The following DPY19L2 variants were observed in gnomAD, a reference collection of about 807,000 sequenced individuals.
DPY19L2 encodes the protein dpy-19 like 2, also known as probable C-mannosyltransferase DPY19L2.
Under a neutral mutation model 97.9 loss-of-function variants are expected in DPY19L2, and 34 were observed. That is an observed-to-expected ratio of 0.35 (90% CI 0.26 to 0.46). The LOEUF (loss-of-function observed/expected upper bound fraction) is 0.46, where lower values mean the gene tolerates loss of function less well. Ranked by LOEUF, DPY19L2 falls within the 20% of genes least tolerant of loss-of-function variation. The probability of loss-of-function intolerance (pLI) is 1.00; values close to 1 mark genes in which losing one functional copy is unlikely to be tolerated. For synonymous variants in DPY19L2, 230 were observed against 307.9 expected, an observed-to-expected ratio of 0.75 and a Z score of 2.65; for missense variants, 623 against 911.4, an observed-to-expected ratio of 0.68 and a Z score of 4.07.
At chr12:63,633,713 G>C (rs1891126320) in intron 6 of DPY19L2, among the ~76,000 whole-genome samples, 2 of 152,002 alleles carry the variant, frequency 1.3e-5, no homozygotes, top group South Asian at 2.1e-4. Context: ...CCCATTACTG[G>C]GTATATACCC....
chr12:63,581,211 T>C (rs1880830774), intron 18 of DPY19L2, among the ~76,000 whole-genome samples: 1 of 152,128 alleles, frequency 6.6e-6, no homozygotes, highest in Non-Finnish European at 1.5e-5. Context: ...TAGCATGATA[T>C]ATATAGATTC....
At chr12:63,650,296 C>T (rs1249946254) in intron 4 of DPY19L2, among the ~76,000 whole-genome samples, 2 of 152,052 alleles carry the variant, frequency 1.3e-5, no homozygotes, top group African/African-American at 4.8e-5. Context: ...TCCTATTCAA[C>T]ATAGTACTGG....
In DPY19L2 at chr12:63,594,234, T is replaced by C. The variant is rs1395056507; in HGVS notation, c.1534-101A>G. The C allele has an allele frequency of 7.7e-6, 7 of 911,108 alleles. No homozygotes were observed. The African/African-American group carries it at 8.7e-5, about 11-fold the overall frequency. The allele number at this position is 911,108 out of a possible 1,614,324, so 56.4% of individuals were successfully genotyped here. Reference sequence around the variant, plus strand: ...AAACACTCTGCCAAGGAAAGAAGTATTTTTTAATGTTTAAGGGAGTCCTCA... The same window carrying C: ...AAACACTCTGCCAAGGAAAGAAGTACTTTTTAATGTTTAAGGGAGTCCTCA... On this transcript the variant is annotated intron_variant, in intron 15 of 21. Coordinates refer to ENST00000324472, the MANE Select transcript of DPY19L2 (RefSeq NM_173812.5).
chr12:63,656,423 TTTAGGC>T (rs1420382224), intron 4 of DPY19L2, among the ~76,000 whole-genome samples: 1 of 152,182 alleles, frequency 6.6e-6, no homozygotes, highest in African/African-American at 2.4e-5. Flanking sequence ...CGATAAGTAT[TTTAGGC>T]TTTGTGAGAT....
chr12:63,633,052 A>G (rs1486205212), intron 6 of DPY19L2, among the ~76,000 whole-genome samples: 4 of 152,188 alleles, frequency 2.6e-5, no homozygotes, highest in African/African-American at 9.7e-5. Flanking sequence ...TACACCTTTT[A>G]CAAAAATTAA....
intron 4 of DPY19L2, among the ~76,000 whole-genome samples, chr12:63,659,610 T>C (rs771484616): frequency 2.0e-5 from 3 of 152,130 alleles, no homozygotes; most frequent in Non-Finnish European, 4.4e-5. Context: ...AGTGTGGTAT[T>C]GGCATAATTA....
intron 11 of DPY19L2, among the ~76,000 whole-genome samples, chr12:63,615,207 G>A (rs1195680688): frequency 6.6e-6 from 1 of 152,014 alleles, no homozygotes; most frequent in African/African-American, 2.4e-5. Context: ...CATATACACA[G>A]CCCAAAGAGC....
intron 21 of DPY19L2, 34 bp downstream of exon 21, chr12:63,569,190 A>G (rs748980821): frequency 1.9e-5 from 29 of 1,557,940 alleles, no homozygotes; most frequent in Non-Finnish European, 2.3e-5. Context: ...GCTCAAAAAT[A>G]TACCATATCA....
chr12:63,626,040 A>G (rs983190539), intron 7 of DPY19L2, among the ~76,000 whole-genome samples: 2 of 149,886 alleles, frequency 1.3e-5, no homozygotes, highest in African/African-American at 4.9e-5. Context: ...AGACAGATAT[A>G]GAATGGGAAA....
chr12:63,602,818 GTTAT>G (rs1434359913), intron 12 of DPY19L2, among the ~76,000 whole-genome samples: 6 of 152,060 alleles, frequency 3.9e-5, no homozygotes, highest in Non-Finnish European at 8.8e-5. Context: ...AAGTATAGAC[GTTAT>G]TTAAAGAAGT....
intron 6 of DPY19L2, among the ~76,000 whole-genome samples, chr12:63,635,195 C>A (rs1891432973): frequency 6.6e-6 from 1 of 152,156 alleles, no homozygotes; most frequent in Non-Finnish European, 1.5e-5. Flanking sequence ...CTCCAGCAAA[C>A]TCCAACAGAC....
At chr12:63,635,593 T>G (rs1891519849) in intron 6 of DPY19L2, among the ~76,000 whole-genome samples, 1 of 152,082 alleles carries the variant, frequency 6.6e-6, no homozygotes, top group African/African-American at 2.4e-5. Context: ...AGACCTTAAA[T>G]GACCTGATGG....
intron 1 of DPY19L2, among the ~76,000 whole-genome samples, chr12:63,667,288 C>A (rs182593334): frequency 0.067 from 10,222 of 152,142 alleles, 377 homozygotes; most frequent in Middle Eastern, 0.095. Context: ...CTGGCAAAAA[C>A]TCTTCAGATG....
intron 19 of DPY19L2, among the ~76,000 whole-genome samples, chr12:63,573,564 A>C (rs1179505960): frequency 1.3e-5 from 2 of 152,140 alleles, no homozygotes; most frequent in African/African-American, 4.8e-5. Context: ...AAGCTAGAGA[A>C]AATATCAATA....
chr12:63,599,037 G>A (rs1476221883), intron 13 of DPY19L2, among the ~76,000 whole-genome samples: 3 of 151,868 alleles, frequency 2.0e-5, no homozygotes, highest in African/African-American at 4.8e-5. Context: ...GCCAGGTGTG[G>A]TGGCACGTGC....
intron 8 of DPY19L2, among the ~76,000 whole-genome samples, chr12:63,622,122 G>A (rs1195938416): frequency 6.6e-6 from 1 of 152,006 alleles, no homozygotes; most frequent in South Asian, 2.1e-4. Context: ...TATGTACTTT[G>A]TAATCTTATA....
intron 16 of DPY19L2, chr12:63,591,033 A>T (rs1252001517): frequency 2.2e-6 from 1 of 455,486 alleles, no homozygotes; most frequent in South Asian, 1.6e-5. Context: ...AAATATCCCA[A>T]GTCCCTTCAT....
chr12:63,607,865 T>A (rs528480653), intron 12 of DPY19L2, among the ~76,000 whole-genome samples: 5 of 151,946 alleles, frequency 3.3e-5, no homozygotes, highest in Admixed American at 2.0e-4. Flanking sequence ...ACTCCTGGGC[T>A]GAAGCTCTCT....
chr12:63,665,704 A>T, intron 2 of DPY19L2, 131 bp downstream of exon 2: 3 of 737,966 alleles, frequency 4.1e-6, no homozygotes, highest in South Asian at 3.5e-5. Context: ...AGCAAAATAC[A>T]TGTATAAATT....
Sources: gnomAD v4.1 joint callset for allele counts (sites outside exome capture counted in the v4.1 genomes callset) on GRCh38, gnomAD v4.1.1 for gene constraint, MANE v1.5 for transcripts, NCBI Gene and HGNC (gene_info 2026-07-23, HGNC 2026-07-21) for gene names.